The following SHANK2 variants were observed in gnomAD, a reference collection of about 807,000 sequenced individuals.
SHANK2 encodes SH3 and multiple ankyrin repeat domains 2.
In SHANK2, 43 loss-of-function variants were observed where a neutral mutation model predicts 133.7. The ratio of observed to expected loss-of-function variants is 0.32; its 90% CI spans 0.25 to 0.41. SHANK2 has a LOEUF of 0.41. Among genes scored for constraint, SHANK2 ranks in the 10% least tolerant of loss-of-function variants. The pLI, the probability that SHANK2 is intolerant of heterozygous loss-of-function variation, is 1.00. For missense variants in SHANK2, 1,994 were observed against 2,235.8 expected, an observed-to-expected ratio of 0.89 and a Z score of 2.18; for synonymous variants, 1,017 against 952.8, an observed-to-expected ratio of 1.07 and a Z score of -1.24.
At chr11:70,633,818 T>C (rs913187973) in intron 17 of SHANK2, 1 of 152,172 alleles carries the variant, frequency 6.6e-6, no homozygotes, top group Non-Finnish European at 1.5e-5. Context: ...CCTGGGGAGA[T>C]GGGGTGTGAA....
intron 9 of SHANK2, among the ~76,000 whole-genome samples, chr11:71,068,342 C>T (rs1565433955): frequency 6.6e-6 from 1 of 152,202 alleles, no homozygotes; most frequent in Non-Finnish European, 1.5e-5. Flanking sequence ...AAGACTGCAT[C>T]CTGACCCCCA....
At chr11:70,805,490 C>A (rs1262728620) in intron 13 of SHANK2, among the ~76,000 whole-genome samples, 2 of 152,216 alleles carry the variant, frequency 1.3e-5, no homozygotes, top group African/African-American at 4.8e-5. Context: ...CCTCTTGCTC[C>A]CCCACTGCGG....
At chr11:70,662,566 C>T (rs1944587188) in intron 15 of SHANK2, among the ~76,000 whole-genome samples, 1 of 152,192 alleles carries the variant, frequency 6.6e-6, no homozygotes, top group Admixed American at 6.5e-5. Flanking sequence ...GTGTTAAAGC[C>T]CCTGAGGACA....
At chr11:70,735,658 C>T (rs910431117) in intron 14 of SHANK2, among the ~76,000 whole-genome samples, 3 of 149,014 alleles carry the variant, frequency 2.0e-5, no homozygotes, top group South Asian at 2.1e-4. Flanking sequence ...GAGCTGAGAT[C>T]GTGCCATTGC....
rs566137967 is a variant in SHANK2 at position 71,109,621 on chromosome 11, A to G, written c.592+320T>C. On this transcript the variant is annotated intron_variant, in intron 6 of 25. Coordinates refer to ENST00000601538, the MANE Select transcript of SHANK2 (RefSeq NM_012309.5). The stretch of plus-strand genomic sequence containing the variant: ...CACCTTTACAAACATACGTGTCTGT[A>G]AAGATCTGTGTGCCCAAGGCTGGCA... Among the ~76,000 whole-genome samples, 3 of 152,322 alleles carry G rather than the reference A, an allele frequency of 2.0e-5. No individual in the cohort carries two copies. In the South Asian group the frequency reaches 6.2e-4, roughly 32 times the overall value.
chr11:71,112,297 G>A (rs949239836), intron 5 of SHANK2, among the ~76,000 whole-genome samples: 1 of 152,238 alleles, frequency 6.6e-6, no homozygotes, highest in Non-Finnish European at 1.5e-5. Flanking sequence ...GGAGGCTGAC[G>A]CAGAAGGATC....
At chr11:71,058,667 G>A (rs1395920387) in intron 9 of SHANK2, among the ~76,000 whole-genome samples, 1 of 152,222 alleles carries the variant, frequency 6.6e-6, no homozygotes, top group East Asian at 1.9e-4. Context: ...AGCCTGTACT[G>A]GGCAGATCCT....
intron 15 of SHANK2, among the ~76,000 whole-genome samples, chr11:70,691,520 C>T (rs1191249203): frequency 2.0e-5 from 3 of 152,152 alleles, no homozygotes; most frequent in African/African-American, 2.4e-5. Context: ...GGTTGTGATG[C>T]CTTCCTTTGC....
chr11:70,859,030 A>G (rs567679233), intron 11 of SHANK2, among the ~76,000 whole-genome samples: 1 of 152,320 alleles, frequency 6.6e-6, no homozygotes, highest in African/African-American at 2.4e-5. Context: ...AGAGTCATAA[A>G]ATGTTTACAT....
At chr11:71,232,608 C>T (rs1954762046) in intron 1 of SHANK2, among the ~76,000 whole-genome samples, 1 of 152,090 alleles carries the variant, frequency 6.6e-6, no homozygotes, top group African/African-American at 2.4e-5. Context: ...GCAGATGAAA[C>T]CTTTACTACG....
rs575775353 is a variant in SHANK2, at chr11:70,742,789, A to G, written c.1778-44026T>C. ...GAGGCAAGGGGGCGGCCTGGAGCGC[A>G]GGCATGGCCACTCCCTGCTGGGGGC... On this transcript the variant is annotated intron_variant, in intron 14 of 25. Transcript: ENST00000601538. Among the ~76,000 whole-genome samples the G allele has an allele frequency of 2.9e-3, 447 of 152,352 alleles. 3 individuals carry two copies. Among genetic ancestry groups the G allele is most frequent in the African/African-American group, 1.0e-2 (414 of 41,584 alleles).
intron 10 of SHANK2, among the ~76,000 whole-genome samples, chr11:70,917,137 C>T (rs1351903826): frequency 6.6e-6 from 1 of 151,670 alleles, no homozygotes; most frequent in African/African-American, 2.4e-5. Context: ...CAGCCTACTC[C>T]AAACATCACA....
chr11:70,525,444 G>T (rs1340781626), intron 17 of SHANK2, among the ~76,000 whole-genome samples: 1 of 152,070 alleles, frequency 6.6e-6, no homozygotes, highest in Non-Finnish European at 1.5e-5. Context: ...CAGCCAGCAG[G>T]CCCAGGGATG....
chr11:70,940,111 C>T (rs1555084085), intron 10 of SHANK2, among the ~76,000 whole-genome samples: 2 of 144,308 alleles, frequency 1.4e-5, no homozygotes, highest in East Asian at 2.1e-4. Flanking sequence ...CCCACCCACA[C>T]CTTGATTTCA....
At chr11:70,885,194 A>AGGGGAACTGCGC (rs1555073185) in intron 11 of SHANK2, among the ~76,000 whole-genome samples, 12 of 151,546 alleles carry the variant, frequency 7.9e-5, no homozygotes, top group Non-Finnish European at 1.2e-4. Flanking sequence ...CGCTGTATAG[A>AGGGGAACTGCGC]GGGGAACCGC....
intron 17 of SHANK2, among the ~76,000 whole-genome samples, chr11:70,557,015 C>T (rs2059840865): frequency 6.6e-6 from 1 of 152,198 alleles, no homozygotes; most frequent in Non-Finnish European, 1.5e-5. Flanking sequence ...TGAGTCACCA[C>T]ACCTAGGCGA....
intron 2 of SHANK2, among the ~76,000 whole-genome samples, chr11:71,193,885 T>C (rs959786947): frequency 6.6e-6 from 1 of 152,212 alleles, no homozygotes; most frequent in Non-Finnish European, 1.5e-5. Context: ...CCAGTCACAA[T>C]AGATCAGGCC....
intron 10 of SHANK2, among the ~76,000 whole-genome samples, chr11:70,931,483 T>C (rs1237677771): frequency 6.6e-6 from 1 of 152,174 alleles, no homozygotes; most frequent in African/African-American, 2.4e-5. Flanking sequence ...TGGGACACCC[T>C]TGACCACAAG....
Position 70,545,955 on chromosome 11 carries a change from A to G in SHANK2, c.2062-43024T>C, listed in dbSNP as rs138233641. ...ATGCATCACTTATGGCAACCAGTTG[A>G]TTATGGAGGCTGCACCTCTGAACAG... On this transcript the variant is annotated intron_variant, in intron 17 of 25. Coordinates refer to ENST00000601538, the MANE Select transcript of SHANK2 (RefSeq NM_012309.5). Among the ~76,000 whole-genome samples the G allele has an allele frequency of 2.7e-3, 404 of 152,232 alleles. 3 individuals carry two copies. Among genetic ancestry groups the G allele is most frequent in the African/African-American group, 9.2e-3 (384 of 41,532 alleles).
Sources: gnomAD v4.1 joint callset for allele counts (sites outside exome capture counted in the v4.1 genomes callset) on GRCh38, gnomAD v4.1.1 for gene constraint, MANE v1.5 for transcripts, NCBI Gene and HGNC (gene_info 2026-07-23, HGNC 2026-07-21) for gene names.